Variants in KLHL24 observed in about 807,000 individuals in gnomAD.
KLHL24 encodes kelch-like protein 24.
A neutral mutation model predicts 53.4 loss-of-function variants in KLHL24; 29 were observed. The observed-to-expected ratio is 0.54, with a 90% CI of 0.40 to 0.74. KLHL24 has a LOEUF of 0.74. Ranked by LOEUF, KLHL24 falls within the 30% of genes least tolerant of loss-of-function variation. The pLI is 0.00. For synonymous variants in KLHL24, 222 were observed against 253.7 expected (o/e 0.88, Z 1.19); for missense variants, 504 against 744.0 (o/e 0.68, Z 3.75).
Position 183,684,492 on chromosome 3 carries a change from G to T in KLHL24, c.*5206G>T, listed in dbSNP as rs1405281216. 6.6e-6 allele frequency: 1 copy of T among 152,462 alleles called. No homozygotes were observed. The highest frequency in any genetic ancestry group is 1.5e-5 in the Non-Finnish European group (1 of 68,018). The allele number at this position is 152,462 out of a possible 1,614,324, so 9.4% of individuals were successfully genotyped here. A position where few individuals can be genotyped will look rare whatever the true frequency, so the allele number is the denominator to read the frequency against. ...TTTAACCATTATTACTTGACTATAT[G>T]GTTGTATTAAATTTTGTTTACGAAA... On this transcript the variant is annotated 3_prime_UTR_variant, in exon 8 of 8. Transcript: ENST00000242810.
At chr3:183,640,936 G>C (rs1013391788) in intron 1 of KLHL24, among the ~76,000 whole-genome samples, 2 of 151,982 alleles carry the variant, frequency 1.3e-5, no homozygotes, top group Non-Finnish European at 2.9e-5. Flanking sequence ...ATATGGTCTT[G>C]GTGGTTCCAT....
At chr3:183,656,062 T>TTTTTTTTG in intron 3 of KLHL24, among the ~76,000 whole-genome samples, 1 of 146,594 alleles carries the variant, frequency 6.8e-6, no homozygotes, top group Non-Finnish European at 1.5e-5. Flanking sequence ...TTTTTTTTTT[T>TTTTTTTTG]CTGAGACAGG....
At chr3:183,661,649 C>G (rs1719814540) in intron 3 of KLHL24, among the ~76,000 whole-genome samples, 1 of 152,170 alleles carries the variant, frequency 6.6e-6, no homozygotes, top group African/African-American at 2.4e-5. Context: ...CAATTAGCTT[C>G]TCATGCTGTT....
intron 3 of KLHL24, among the ~76,000 whole-genome samples, chr3:183,654,490 G>T (rs1199021074): frequency 6.6e-6 from 1 of 151,394 alleles, no homozygotes; most frequent in Non-Finnish European, 1.5e-5. Flanking sequence ...TTTATTGCAT[G>T]TATATATTTC....
rs756242889 is a variant in KLHL24, at chr3:183,663,452, T to C, written c.921-6T>C. ...TATTTATGTACGCTAATAATTATTA[T>C]TTTAGGTCCACTGGCTATTCTGAGG... is the stretch of plus-strand genomic sequence containing the variant. On this transcript the variant is annotated splice_polypyrimidine_tract_variant and splice_region_variant and intron_variant, in intron 3 of 7. Coordinates refer to ENST00000242810, the MANE Select transcript of KLHL24 (RefSeq NM_017644.3). The surrounding 1 kb of genome is among the most constrained non-coding windows in gnomAD (Gnocchi z 4.9). The C allele has an allele frequency of 7.1e-7, 1 of 1,411,350 alleles. No individual in the cohort carries two copies. Among genetic ancestry groups the C allele is most frequent in the Non-Finnish European group, 9.5e-7 (1 of 1,054,752 alleles). The allele number at this position is 1,411,350 out of a possible 1,614,324, so 87.4% of individuals were successfully genotyped here.
At chr3:183,670,661 C>G (rs1030895315) in intron 5 of KLHL24, among the ~76,000 whole-genome samples, 1 of 152,118 alleles carries the variant, frequency 6.6e-6, no homozygotes, top group African/African-American at 2.4e-5. Flanking sequence ...TTGTACCATT[C>G]TCAGTGTGAG....
intron 2 of KLHL24, among the ~76,000 whole-genome samples, chr3:183,649,193 A>T (rs1004877349): frequency 1.3e-5 from 2 of 152,242 alleles, no homozygotes; most frequent in African/African-American, 4.8e-5. Context: ...AAATTTTGGT[A>T]GAAAATAGAG....
At chr3:183,676,540 A>C (rs2108897317) in intron 7 of KLHL24, among the ~76,000 whole-genome samples, 1 of 152,332 alleles carries the variant, frequency 6.6e-6, no homozygotes, top group South Asian at 2.1e-4. Flanking sequence ...TAAAATGCTT[A>C]GAATATTAAA....
At chr3:183,651,421 C>G in intron 3 of KLHL24, 145 bp downstream of exon 3, 1 of 614,932 alleles carries the variant, frequency 1.6e-6, no homozygotes, top group East Asian at 2.8e-5. Flanking sequence ...TTATATGTCA[C>G]TAGAATGTCT....
In KLHL24 at chr3:183,681,866, A is replaced by G. The variant is rs1712710303; in HGVS notation, c.*2580A>G. ...ATAAAGATTTTTCTTTTGATAGGTG[A>G]TGCTCATATGAACCTTTGGTTTAGA... is the stretch of plus-strand genomic sequence containing the variant. On this transcript the variant is annotated 3_prime_UTR_variant, in exon 8 of 8. Transcript: ENST00000242810. 1 of 152,184 alleles carries G rather than the reference A, an allele frequency of 6.6e-6. No individual in the cohort carries two copies. The highest frequency in any genetic ancestry group is 2.1e-4 in the South Asian group (1 of 4,828). The allele number at this position is 152,184 out of a possible 1,614,324, so 9.4% of individuals were successfully genotyped here. A position where few individuals can be genotyped will look rare whatever the true frequency, so the allele number is the denominator to read the frequency against.
At chr3:183,648,313 G>A (rs9851163) in intron 2 of KLHL24, among the ~76,000 whole-genome samples, 61,291 of 152,006 alleles carry the variant, frequency 0.4, 15,584 homozygotes, top group African/African-American at 0.73. Flanking sequence ...TGATTTTGAT[G>A]TTACGTATTT....
intron 3 of KLHL24, among the ~76,000 whole-genome samples, chr3:183,658,615 A>G (rs184899640): frequency 6.6e-6 from 1 of 152,306 alleles, no homozygotes; most frequent in East Asian, 1.9e-4. Flanking sequence ...GTCATAGGAT[A>G]TGTGCATTTT....
rs376372259 is a variant in KLHL24, at chr3:183,647,124, T to TA, written c.-61-3157dup. On this transcript the variant is annotated intron_variant, in intron 2 of 7. Coordinates refer to ENST00000242810, the MANE Select transcript of KLHL24 (RefSeq NM_017644.3). ...CCGCGCCCGGCCTTGTTGCAACTCT[T>TA]AAAAAAAAAAAAAAAGCTGGGCGCA... 1.3e-3 allele frequency among the ~76,000 whole-genome samples: 181 copies of TA among 138,570 alleles called. 1 individual carries two copies. The highest frequency in any genetic ancestry group is 4.3e-3 in the East Asian group (20 of 4,658). The allele number at this position is 138,570 out of a possible 152,430, so 90.9% of individuals were successfully genotyped here. A position where few individuals can be genotyped will look rare whatever the true frequency, so the allele number is the denominator to read the frequency against.
Position 183,683,495 on chromosome 3 carries a change from T to G in KLHL24, c.*4209T>G, listed in dbSNP as rs1052796196. 6.6e-6 allele frequency: 1 copy of G among 152,670 alleles called. No homozygotes were observed. The highest frequency in any genetic ancestry group is 1.5e-5 in the Non-Finnish European group (1 of 68,040). 9.5% of individuals were successfully genotyped at this position (152,670 alleles called of 1,614,324 possible). ...GCAAATTGGTTGATCTTTAAGGCAG[T>G]AGGTTTGACTAGCTAGCTATCATTA... On this transcript the variant is annotated 3_prime_UTR_variant, in exon 8 of 8. Coordinates refer to ENST00000242810, the MANE Select transcript of KLHL24 (RefSeq NM_017644.3).
chr3:183,656,333 G>A (rs902342707), intron 3 of KLHL24, among the ~76,000 whole-genome samples: 5 of 152,032 alleles, frequency 3.3e-5, no homozygotes, highest in Non-Finnish European at 7.4e-5. Context: ...CAAACCACCC[G>A]TAGCATTCAT....
Position 183,681,055 on chromosome 3 carries a change from T to G in KLHL24, c.*1769T>G, listed in dbSNP as rs77113831. Reference sequence around the variant, plus strand: ...AGGAAAACTCTAAAAAACTTAAAAATTTTTAGGGAATTTTTATTTTTCAAA... The same window carrying G: ...AGGAAAACTCTAAAAAACTTAAAAAGTTTTAGGGAATTTTTATTTTTCAAA... On this transcript the variant is annotated 3_prime_UTR_variant, in exon 8 of 8. Transcript: ENST00000242810. 156 of 152,212 alleles carry G rather than the reference T, an allele frequency of 1.0e-3. 6 individuals carry two copies. In the East Asian group the frequency reaches 0.029, roughly 28 times the overall value. The allele number at this position is 152,212 out of a possible 1,614,324, so 9.4% of individuals were successfully genotyped here.
Position 183,636,920 on chromosome 3 carries a change from A to G in KLHL24, c.-125+1127A>G, listed in dbSNP as rs181693433. On this transcript the variant is annotated intron_variant, in intron 1 of 7. Coordinates refer to ENST00000242810, the MANE Select transcript of KLHL24 (RefSeq NM_017644.3). ...CCTGATCCTGCAGGCAGTTCTGGGC[A>G]CGCAGAGATCGGCTACCGTGGCCTG... Among the ~76,000 whole-genome samples the G allele has an allele frequency of 1.1e-3, 161 of 152,238 alleles. 6 individuals carry two copies. The East Asian group carries it at 0.03, about 28-fold the overall frequency.
chr3:183,657,445 G>A (rs1381184700), intron 3 of KLHL24, among the ~76,000 whole-genome samples: 6 of 152,228 alleles, frequency 3.9e-5, no homozygotes, highest in Admixed American at 1.3e-4. Context: ...ACTATATAGT[G>A]AATATAGGAA....
rs375587166 is a variant in KLHL24, at chr3:183,650,496, C to G, written c.140C>G (p.Ser47Cys). Reference sequence around the variant, plus strand: ...TTTTTTGACTTCTCTTCAGGATCATCCCATGCCGAAAACATACTCCAGATA... The same window carrying G: ...TTTTTTGACTTCTCTTCAGGATCATGCCATGCCGAAAACATACTCCAGATA... ...HEFFDFSSGS[S>C]HAENILQIFN... The change falls in exon 3 of 8, where the codon TCC becomes TGC. Residue 47 changes from serine to cysteine, a missense_variant. Transcript: ENST00000242810. The surrounding 1 kb of genome is among the most constrained non-coding windows in gnomAD (Gnocchi z 4.5). 1 of 1,613,988 alleles carries G rather than the reference C, an allele frequency of 6.2e-7. No individual in the cohort carries two copies. The highest frequency in any genetic ancestry group is 8.5e-7 in the Non-Finnish European group (1 of 1,180,010).
Sources: allele counts gnomAD v4.1 joint callset (sites outside exome capture counted in the v4.1 genomes callset), GRCh38; gene constraint gnomAD v4.1.1; non-coding constraint Gnocchi (gnomAD v3.1); transcripts MANE v1.5; gene names NCBI Gene and HGNC (gene_info 2026-07-23, HGNC 2026-07-21).